LDB2: variants seen among roughly 807,000 people sequenced by gnomAD.
LDB2 encodes the protein LIM domain-binding protein 2.
LDB2 carries 12 observed loss-of-function variants against 44.3 expected under a neutral mutation model. The ratio of observed to expected loss-of-function variants is 0.27; its 90% CI spans 0.17 to 0.44. The LOEUF (loss-of-function observed/expected upper bound fraction) is 0.44, where lower values mean the gene tolerates loss of function less well. Ranked by LOEUF, LDB2 falls within the 20% of genes least tolerant of loss-of-function variation. LDB2 has a pLI of 1.00. For missense variants in LDB2, 344 were observed against 473.5 expected (o/e 0.73, Z 2.54); for synonymous variants, 164 against 174.8 (o/e 0.94, Z 0.49).
chr4:16,634,706 G>A (rs1321757479), intron 2 of LDB2, among the ~76,000 whole-genome samples: 1 of 152,162 alleles, frequency 6.6e-6, no homozygotes, highest in Non-Finnish European at 1.5e-5. Flanking sequence ...GTGTAAATTA[G>A]TTCAACCATC....
intron 1 of LDB2, among the ~76,000 whole-genome samples, chr4:16,759,847 G>GCAACCAC (rs1767511824): frequency 6.6e-6 from 1 of 152,166 alleles, no homozygotes; most frequent in Admixed American, 6.5e-5. Context: ...AAGAGGACAG[G>GCAACCAC]CAACCACTAG....
chr4:16,609,183 A>G (rs10939677), intron 2 of LDB2, among the ~76,000 whole-genome samples: 56,223 of 151,902 alleles, frequency 0.37, 10,855 homozygotes, highest in East Asian at 0.62. Flanking sequence ...GGGAGATGGT[A>G]AATGAGCGTG....
chr4:16,503,381 A>ATGAT (rs1464786374), intron 7 of LDB2, among the ~76,000 whole-genome samples: 2 of 152,194 alleles, frequency 1.3e-5, no homozygotes, highest in East Asian at 1.9e-4. Flanking sequence ...TGTCCCAGGG[A>ATGAT]TGATATACAT....
chr4:16,880,688 G>A (rs970868457), intron 1 of LDB2, among the ~76,000 whole-genome samples: 2 of 152,006 alleles, frequency 1.3e-5, no homozygotes, highest in African/African-American at 2.4e-5. Context: ...GTCGGATCAC[G>A]AGGTCAGGAG....
intron 1 of LDB2, among the ~76,000 whole-genome samples, chr4:16,803,902 T>C (rs1029609378): frequency 1.3e-5 from 2 of 152,334 alleles, no homozygotes; most frequent in South Asian, 4.1e-4. Flanking sequence ...GGAACTGAAA[T>C]AGCTTTCAAA....
chr4:16,617,122 G>A (rs575154485), intron 2 of LDB2, among the ~76,000 whole-genome samples: 62 of 152,204 alleles, frequency 4.1e-4, no homozygotes, highest in African/African-American at 1.4e-3. Context: ...AAAGCCGGAC[G>A]TGATCCCCAG....
chr4:16,551,224 A>G (rs990493902), intron 5 of LDB2, among the ~76,000 whole-genome samples: 4 of 152,240 alleles, frequency 2.6e-5, no homozygotes, highest in African/African-American at 9.6e-5. Flanking sequence ...TTTCACAAAT[A>G]AAAAGACTCA....
intron 1 of LDB2, among the ~76,000 whole-genome samples, chr4:16,848,013 TAAAATA>T (rs1470712853): frequency 2.0e-5 from 3 of 152,114 alleles, no homozygotes; most frequent in Non-Finnish European, 2.9e-5. Flanking sequence ...GTGAAAAAAA[TAAAATA>T]AAAATAAGTA....
rs867137753 is a variant in LDB2 at position 16,592,465 on chromosome 4, C to T, written c.408+3238G>A. On this transcript the variant is annotated intron_variant, in intron 3 of 7. Coordinates refer to ENST00000304523, the MANE Select transcript of LDB2 (RefSeq NM_001290.5). ...AACGCATTCATATGCATTATACATA[C>T]ATATATATATATATATATATATATA... is the stretch of plus-strand genomic sequence containing the variant. Among the ~76,000 whole-genome samples the T allele has an allele frequency of 6.3e-3, 730 of 116,448 alleles. 5 individuals carry two copies. Among genetic ancestry groups the T allele is most frequent in the South Asian group, 0.012 (40 of 3,454 alleles). 76.4% of individuals were successfully genotyped at this position (116,448 alleles called of 152,430 possible).
In LDB2 at chr4:16,823,623, G is replaced by A. The variant is rs11728732; in HGVS notation, c.133-64363C>T. 6.1e-3 allele frequency among the ~76,000 whole-genome samples: 936 copies of A among 152,266 alleles called. 5 individuals are homozygous for A. The highest frequency in any genetic ancestry group is 7.8e-3 in the Non-Finnish European group (533 of 68,024). On this transcript the variant is annotated intron_variant, in intron 1 of 7. Transcript: ENST00000304523. ...GCCTGCACCCATAGTACCAGGCTTC[G>A]TAATTACCTCTCTGCCTGAGGTTCC...
chr4:16,544,266 G>A (rs958262199), intron 5 of LDB2, among the ~76,000 whole-genome samples: 1 of 152,196 alleles, frequency 6.6e-6, no homozygotes, highest in Non-Finnish European at 1.5e-5. Flanking sequence ...AAAAGCAGCC[G>A]AGGATGTGGG....
chr4:16,510,262 CCTA>C (rs1441310536), intron 6 of LDB2, among the ~76,000 whole-genome samples: 4 of 152,184 alleles, frequency 2.6e-5, no homozygotes, highest in African/African-American at 9.7e-5. Flanking sequence ...TTTCTACTCA[CCTA>C]CTATTTTTTT....
chr4:16,710,864 G>C (rs544277624), intron 2 of LDB2, among the ~76,000 whole-genome samples: 1 of 152,304 alleles, frequency 6.6e-6, no homozygotes, highest in East Asian at 1.9e-4. Context: ...AACAGGGAAA[G>C]ATGCAAAGCT....
chr4:16,596,172 A>G (rs1351353385), intron 2 of LDB2, among the ~76,000 whole-genome samples: 1 of 152,184 alleles, frequency 6.6e-6, no homozygotes, highest in Non-Finnish European at 1.5e-5. Context: ...TGCATGAACT[A>G]CTTTGGACCT....
At chr4:16,749,568 A>C (rs1414965523) in intron 2 of LDB2, among the ~76,000 whole-genome samples, 1 of 137,006 alleles carries the variant, frequency 7.3e-6, no homozygotes, top group African/African-American at 2.9e-5. Flanking sequence ...CAAAAAAAAA[A>C]AAAATAAAAA....
intron 1 of LDB2, among the ~76,000 whole-genome samples, chr4:16,858,366 C>T (rs901420409): frequency 5.9e-5 from 9 of 152,220 alleles, no homozygotes; most frequent in African/African-American, 2.2e-4. Context: ...CCAAGGAGGG[C>T]TTCATGCATG....
In LDB2 at chr4:16,533,764, A is replaced by G. The variant is rs967344422; in HGVS notation, c.616-21660T>C. Reference sequence around the variant, plus strand: ...ATTTTGGGGTTGCATAAAAACAACAATTCCTGGAAAGGTGAAATTTTTAAT... The same window carrying G: ...ATTTTGGGGTTGCATAAAAACAACAGTTCCTGGAAAGGTGAAATTTTTAAT... On this transcript the variant is annotated intron_variant, in intron 5 of 7. Transcript: ENST00000304523. This position sits in a 1 kb window ranked among gnomAD's most constrained non-coding sequence, Gnocchi z 4.1. Among the ~76,000 whole-genome samples, 2 of 152,188 alleles carry G rather than the reference A, an allele frequency of 1.3e-5. No homozygotes were observed. The highest frequency in any genetic ancestry group is 4.8e-5 in the African/African-American group (2 of 41,450).
intron 3 of LDB2, among the ~76,000 whole-genome samples, chr4:16,591,380 A>AAAATT (rs1718898881): frequency 6.6e-6 from 1 of 152,184 alleles, no homozygotes; most frequent in Non-Finnish European, 1.5e-5. Flanking sequence ...TCAAATTGTC[A>AAAATT]TGGGCCTACA....
In LDB2 at chr4:16,843,551, G is replaced by C. The variant is rs186806423; in HGVS notation, c.132+54803C>G. ...ATTTTAAACCTATACATTATTAATG[G>C]CATTATCAAACAGCATAAAAACAGG... On this transcript the variant is annotated intron_variant, in intron 1 of 7. Transcript: ENST00000304523. Among the ~76,000 whole-genome samples, 103 of 152,170 alleles carry C rather than the reference G, an allele frequency of 6.8e-4. 1 individual carries two copies. The highest frequency in any genetic ancestry group is 1.6e-4 in the Non-Finnish European group (11 of 67,998).
Sources: gnomAD v4.1 joint callset for allele counts (sites outside exome capture counted in the v4.1 genomes callset) on GRCh38, gnomAD v4.1.1 for gene constraint, Gnocchi (gnomAD v3.1) non-coding constraint, MANE v1.5 for transcripts, NCBI Gene and HGNC (gene_info 2026-07-23, HGNC 2026-07-21) for gene names.